PIEZO1: variants seen among roughly 807,000 people sequenced by gnomAD.
PIEZO1 encodes the protein piezo type mechanosensitive ion channel component 1 (Er blood group).
Under a neutral mutation model 297.2 loss-of-function variants are expected in PIEZO1, and 296 were observed. The ratio of observed to expected loss-of-function variants is 1.00; its 90% confidence interval spans 0.91 to 1.10. PIEZO1 has a LOEUF of 1.10. Ranked by LOEUF, PIEZO1 falls within the 50% of genes least tolerant of loss-of-function variation. The probability of loss-of-function intolerance (pLI) is 0.00; values close to 1 mark genes in which losing one functional copy is unlikely to be tolerated. For synonymous variants in PIEZO1, 2,427 were observed against 1,507.5 expected (o/e 1.61, Z -14.13); for missense variants, 5,018 against 3,455.5 (o/e 1.45, Z -11.34).
At chr16:88,773,800 G>C (rs545946348) in intron 1 of PIEZO1, among the ~76,000 whole-genome samples, 12 of 152,162 alleles carry the variant, frequency 7.9e-5, no homozygotes, top group African/African-American at 2.6e-4. Flanking sequence ...TGCACCCAGT[G>C]TCCTCCTGGG....
At chr16:88,743,688 A>G (rs908615040) in intron 2 of PIEZO1, 8 of 456,132 alleles carry the variant, frequency 1.8e-5, no homozygotes, top group Admixed American at 4.7e-5. Context: ...CCCACGTCCA[A>G]GTCACCCTGC....
chr16:88,732,286 T>A, intron 21 of PIEZO1, 49 bp downstream of exon 21: 1 of 1,484,278 alleles, frequency 6.7e-7, no homozygotes, highest in African/African-American at 1.4e-5. Flanking sequence ...CGTCCCTCCC[T>A]CCCGAAGGCC....
At chr16:88,722,460 G>C in intron 35 of PIEZO1, 63 bp from the exon 36 acceptor site, 1 of 1,453,190 alleles carries the variant, frequency 6.9e-7, no homozygotes, top group Admixed American at 2.5e-5. Flanking sequence ...GCTACAGGGA[G>C]GGTCAGGGTG....
At chr16:88,732,795 AG>A in intron 19 of PIEZO1, 63 bp from the exon 20 acceptor site, 10 of 1,428,888 alleles carry the variant, frequency 7.0e-6, no homozygotes, top group Non-Finnish European at 9.4e-6. Flanking sequence ...CCCTGCCCGG[AG>A]CCCACCACAG....
chr16:88,784,060 C>G (rs1908058526), intron 1 of PIEZO1, among the ~76,000 whole-genome samples: 1 of 152,212 alleles, frequency 6.6e-6, no homozygotes, highest in South Asian at 2.1e-4. Context: ...TGGGTCCCGG[C>G]TAGGCCAGGG....
Position 88,725,091 on chromosome 16 carries a change from G to C in PIEZO1, c.4163-11C>G, listed in dbSNP as rs901440603. The C allele has an allele frequency of 6.4e-5, 96 of 1,504,250 alleles. No homozygotes were observed. Among genetic ancestry groups the C allele is most frequent in the Non-Finnish European group, 8.3e-5 (94 of 1,128,830 alleles). The allele number at this position is 1,504,250 out of a possible 1,614,324, so 93.2% of individuals were successfully genotyped here. The stretch of plus-strand genomic sequence containing the variant: ...CTGGACTGTCGGGCCCTGTGGAGGG[G>C]CAGGGTGAGCATGAGGCAGCAGTCA... On this transcript the variant is annotated splice_polypyrimidine_tract_variant and intron_variant, in intron 29 of 50. Coordinates refer to ENST00000301015, the MANE Select transcript of PIEZO1 (RefSeq NM_001142864.4).
In PIEZO1 at chr16:88,722,078, C is replaced by G. The variant is rs1415916531; in HGVS notation, c.4956-12G>C. 6.5e-7 allele frequency: 1 copy of G among 1,541,038 alleles called. No individual in the cohort carries two copies. The highest frequency in any genetic ancestry group is 1.4e-5 in the African/African-American group (1 of 72,850). The stretch of plus-strand genomic sequence containing the variant: ...GGATGCGCAGGCGCCTACAGGGAGA[C>G]CCGCGTGTTTGGGGGAGTCTGGGAC... On this transcript the variant is annotated splice_polypyrimidine_tract_variant and intron_variant, in intron 36 of 50. Coordinates refer to ENST00000301015, the MANE Select transcript of PIEZO1 (RefSeq NM_001142864.4).
chr16:88,732,564 C>T (rs926839511), intron 20 of PIEZO1, 29 bp from the exon 21 acceptor site: 42 of 1,542,878 alleles, frequency 2.7e-5, no homozygotes, highest in African/African-American at 2.5e-4. Flanking sequence ...AGGGGGCAGC[C>T]GGGTACTCGC....
Position 88,785,186 on chromosome 16 carries a change from T to A in PIEZO1, c.-222A>T, listed in dbSNP as rs1908129601. 1 of 264,066 alleles carries A rather than the reference T, an allele frequency of 3.8e-6. No homozygotes were observed. Among genetic ancestry groups the A allele is most frequent in the South Asian group, 1.7e-4 (1 of 5,904 alleles). 16.4% of individuals were successfully genotyped at this position (264,066 alleles called of 1,614,324 possible). ...CCCTCGGCGGAGCGCAGCGCTCGGC[T>A]CACTGGGGCCGAGCTGGGCCGGACG... On this transcript the variant is annotated 5_prime_UTR_variant, in exon 1 of 51. Transcript: ENST00000301015.
At chr16:88,751,999 G>T (rs897313090) in intron 1 of PIEZO1, among the ~76,000 whole-genome samples, 1 of 152,252 alleles carries the variant, frequency 6.6e-6, no homozygotes, top group African/African-American at 2.4e-5. Context: ...GGCTCCTGGA[G>T]TCAGAAGCGT....
intron 14 of PIEZO1, 31 bp downstream of exon 14, chr16:88,734,844 G>A (rs587777766): frequency 1.3e-6 from 2 of 1,549,962 alleles, no homozygotes; most frequent in African/African-American, 1.4e-5. Flanking sequence ...GAGGGTCCGT[G>A]CCCCAGCCCC....
chr16:88,743,922 AG>A, intron 2 of PIEZO1: 1 of 300,274 alleles, frequency 3.3e-6, no homozygotes, highest in South Asian at 2.7e-5. Context: ...AAAACCGTCC[AG>A]GAAGGGAGGC....
rs1904286129 is a variant in PIEZO1 at position 88,722,381 on chromosome 16, C to T, written c.4792G>A (p.Glu1598Lys). ...TCGTCTGTCATGCTGCTGAGTGGCTCCTCCGCGCCCAGCCCACTGGGGAGG... is the reference window on the plus strand; with the variant it reads ...TCGTCTGTCATGCTGCTGAGTGGCTTCTCCGCGCCCAGCCCACTGGGGAGG... ...STVSSGLGAE[E>K]PLSSMTDDMG... The change falls in exon 36 of 51, where the codon GAG becomes AAG. Residue 1598 changes from glutamate to lysine, a missense_variant. Physicochemically the swap from Glu to Lys is moderately conservative, Grantham distance 56. Coordinates refer to ENST00000301015, the MANE Select transcript of PIEZO1 (RefSeq NM_001142864.4). The T allele has an allele frequency of 6.6e-7, 1 of 1,507,568 alleles. No homozygotes were observed. The highest frequency in any genetic ancestry group is 1.3e-5 in the South Asian group (1 of 77,894). The allele number at this position is 1,507,568 out of a possible 1,614,324, so 93.4% of individuals were successfully genotyped here. A position where few individuals can be genotyped will look rare whatever the true frequency, so the allele number is the denominator to read the frequency against.
In PIEZO1 at chr16:88,742,405, G is replaced by A; in HGVS notation, c.178C>T (p.Leu60=). The change falls in exon 3 of 51, where the codon CTG becomes TTG. Residue 60 remains leucine, a synonymous_variant. Coordinates refer to ENST00000301015, the MANE Select transcript of PIEZO1 (RefSeq NM_001142864.4). ...CGLQGHTGRL[L]RALLGLSLLF... ...AGGCTGAGGCCCAGCAATGCCCGCA[G>A]GAGGCGGCCTGTGTGACCTGCGGCA... 6.5e-7 allele frequency: 1 copy of A among 1,535,044 alleles called. No individual in the cohort carries two copies. The highest frequency in any genetic ancestry group is 8.7e-7 in the Non-Finnish European group (1 of 1,146,630).
intron 16 of PIEZO1, 30 bp downstream of exon 16, chr16:88,734,326 C>A: frequency 6.7e-7 from 1 of 1,484,390 alleles, no homozygotes; most frequent in Admixed American, 2.3e-5. Flanking sequence ...TACACCTCTC[C>A]AGGGCCGGAC....
intron 39 of PIEZO1, 38 bp downstream of exon 39, chr16:88,721,128 C>G (rs1912405802): frequency 6.9e-7 from 1 of 1,454,130 alleles, no homozygotes; most frequent in Non-Finnish European, 9.1e-7. Context: ...ACTCAGAAAA[C>G]TGGGTAGGCA....
rs1235348228 is a variant in PIEZO1 at position 88,726,544 on chromosome 16, C to T, written c.3796+3G>A. 1.3e-6 allele frequency: 2 copies of T among 1,549,176 alleles called. No homozygotes were observed. Among genetic ancestry groups the T allele is most frequent in the Non-Finnish European group, 1.7e-6 (2 of 1,146,138 alleles). On this transcript the variant is annotated splice_donor_region_variant and intron_variant, in intron 26 of 50. Coordinates refer to ENST00000301015, the MANE Select transcript of PIEZO1 (RefSeq NM_001142864.4). ...CTCCCCCGCCACCGTCCTGGCCACT[C>T]ACGGTCATAGTAGCCCTTGACGGTG...
In PIEZO1 at chr16:88,719,782, C is replaced by T. The variant is rs1374153515; in HGVS notation, c.6323+20G>A. The T allele has an allele frequency of 6.5e-7, 1 of 1,550,338 alleles. No homozygotes were observed. Among genetic ancestry groups the T allele is most frequent in the East Asian group, 2.4e-5 (1 of 40,914 alleles). ...CTCATGCCCGGGCCGTGACCCCCACCCCGGCGGACCTGCACTCACCCCTGG... is the reference window on the plus strand; with the variant it reads ...CTCATGCCCGGGCCGTGACCCCCACTCCGGCGGACCTGCACTCACCCCTGG... On this transcript the variant is annotated intron_variant, in intron 43 of 50. Coordinates refer to ENST00000301015, the MANE Select transcript of PIEZO1 (RefSeq NM_001142864.4).
At position 88,715,806 on chromosome 16, in the gene PIEZO1, C is replaced by A; in HGVS notation, c.7365G>T (p.Val2455=). The change falls in exon 51 of 51, where the codon GTG becomes GTT. Residue 2455 remains valine, a synonymous_variant. Coordinates refer to ENST00000301015, the MANE Select transcript of PIEZO1 (RefSeq NM_001142864.4). The part of the protein sequence containing the change: ...VSIVLVIGKF[V]RGFFSEISHS... ...GCGAGATCTCGCTGAAGAATCCGCG[C>A]ACGAACTTGCCGATGACCAGCACGA... The A allele has an allele frequency of 3.9e-6, 6 of 1,550,344 alleles. No homozygotes were observed. The highest frequency in any genetic ancestry group is 5.2e-6 in the Non-Finnish European group (6 of 1,146,952).
Sources: gnomAD v4.1 joint callset for allele counts (sites outside exome capture counted in the v4.1 genomes callset) on GRCh38, gnomAD v4.1.1 for gene constraint, MANE v1.5 for transcripts, NCBI Gene and HGNC (gene_info 2026-07-23, HGNC 2026-07-21) for gene names.